ZP4: variants seen among roughly 807,000 people sequenced by gnomAD.
The protein encoded by ZP4 is zona pellucida glycoprotein 4, also known as zona pellucida sperm-binding protein 4.
ZP4 carries 62 observed loss-of-function variants against 62.3 expected under a neutral mutation model. The observed-to-expected ratio is 0.99, with a 90% CI of 0.81 to 1.23. ZP4 has a LOEUF of 1.23. ZP4 is among the 50% of genes most tolerant of loss of function. The pLI, the probability that ZP4 is intolerant of heterozygous loss-of-function variation, is 0.00. For missense variants in ZP4, 774 were observed against 656.0 expected (o/e 1.18, Z -1.97); for synonymous variants, 289 against 247.3 (o/e 1.17, Z -1.58).
At chr1:237,888,637 A>C in intron 3 of ZP4, 127 bp from the exon 4 acceptor site, 1 of 800,220 alleles carries the variant, frequency 1.2e-6, no homozygotes, top group East Asian at 2.8e-5. Flanking sequence ...TGTCTACTCC[A>C]TATTGTAGAT....
rs1386108882 is a variant in ZP4 at position 237,888,717 on chromosome 1, T to G, written c.401-207A>C. Among the ~76,000 whole-genome samples the G allele has an allele frequency of 2.0e-5, 3 of 152,268 alleles. No individual in the cohort carries two copies. In the East Asian group the frequency reaches 5.8e-4, roughly 29 times the overall value. On this transcript the variant is annotated intron_variant, in intron 3 of 11. Coordinates refer to ENST00000366570, the MANE Select transcript of ZP4 (RefSeq NM_021186.5). ...TCAACATTAAGTCACCTTGTAAGAG[T>G]GCCCTGCTATTAGTTTTTTAAAAAC...
chr1:237,885,625 G>A (rs779159700), intron 7 of ZP4, 45 bp from the exon 8 acceptor site: 9 of 1,599,690 alleles, frequency 5.6e-6, no homozygotes, highest in Non-Finnish European at 8.5e-7. Context: ...ATCTCTCAGT[G>A]ACTTGAGGGA....
At position 237,890,205 on chromosome 1, in the gene ZP4, C is replaced by T. The variant is rs1276832321; in HGVS notation, c.176-29G>A. The T allele has an allele frequency of 3.1e-6, 5 of 1,612,890 alleles. No individual in the cohort carries two copies. In the South Asian group the frequency reaches 5.5e-5, roughly 18 times the overall value. The stretch of plus-strand genomic sequence containing the variant: ...GAGGGGTGGGGAAGAGGTGAGAAAA[C>T]ACAGCGGTCAGTCTCCAGTGCCAGA... On this transcript the variant is annotated intron_variant, in intron 1 of 11. Coordinates refer to ENST00000366570, the MANE Select transcript of ZP4 (RefSeq NM_021186.5).
At chr1:237,890,003 T>G in intron 2 of ZP4, 34 bp from the exon 3 acceptor site, 1 of 1,614,090 alleles carries the variant, frequency 6.2e-7, no homozygotes, top group Non-Finnish European at 8.5e-7. Flanking sequence ...TCAGCCTGGA[T>G]GGTAGCATGA....
chr1:237,888,422 G>T lies in ZP4; in HGVS notation c.489C>A (p.Asp163Glu), dbSNP rs767513357. The change falls in exon 4 of 12, where the codon GAC (aspartate) becomes GAA (glutamate). Residue 163 changes from aspartate to glutamate, a missense_variant. Coordinates refer to ENST00000366570, the MANE Select transcript of ZP4 (RefSeq NM_021186.5). ...PCAPSPISRG[D>E]CEGLGCCYSS... Reference sequence around the variant, plus strand: ...TATAACAACAGCCTAGCCCTTCACAGTCTCCTCGAGAGATGGGTGAAGGTG... The same window carrying T: ...TATAACAACAGCCTAGCCCTTCACATTCTCCTCGAGAGATGGGTGAAGGTG... 1.2e-6 allele frequency: 2 copies of T among 1,611,572 alleles called. No homozygotes were observed. The highest frequency in any genetic ancestry group is 2.2e-5 in the South Asian group (2 of 90,602).
At position 237,887,450 on chromosome 1, in the gene ZP4, G is replaced by T. The variant is rs140243550; in HGVS notation, c.665C>A (p.Ala222Glu). The T allele has an allele frequency of 8.7e-4, 1,397 of 1,614,128 alleles. 24 individuals carry two copies. In the East Asian group the frequency reaches 0.025, roughly 29 times the overall value. The change falls in exon 5 of 12, where the codon GCG becomes GAG. Residue 222 changes from alanine (A) to glutamate (E), a missense_variant. By Grantham distance (107) the Ala-to-Glu change is moderately radical. Coordinates refer to ENST00000366570, the MANE Select transcript of ZP4 (RefSeq NM_021186.5). The stretch of plus-strand genomic sequence containing the variant: ...TTGTGTTGCCATCACAGGGTTACAC[G>T]CACTGTCATTCCTAAGGGCCAAGCG... ...SVRLALRNDS[A>E]CNPVMATQAF...
chr1:237,886,948 C>T, intron 5 of ZP4, 80 bp from the exon 6 acceptor site: 1 of 1,190,620 alleles, frequency 8.4e-7, no homozygotes, highest in South Asian at 1.3e-5. Context: ...AAGCCCTCAG[C>T]AATGCTACCC....
chr1:237,890,017 G>A (rs539978576), intron 2 of ZP4, 38 bp downstream of exon 2: 36 of 1,614,122 alleles, frequency 2.2e-5, no homozygotes, highest in African/African-American at 9.3e-5. Context: ...AGCATGAGGC[G>A]CTTCACACAG....
At chr1:237,886,034 T>G (rs945504371) in intron 6 of ZP4, 148 bp from the exon 7 acceptor site, 2 of 1,075,592 alleles carry the variant, frequency 1.9e-6, no homozygotes, top group Non-Finnish European at 2.6e-6. Context: ...GAGCTGTATT[T>G]TAGTTGGGGA....
intron 10 of ZP4, among the ~76,000 whole-genome samples, chr1:237,883,708 GGAGGGCGGGGGAGGGCGGGGGAGGGA>G (rs1664982708): frequency 1.5e-4 from 3 of 19,872 alleles, no homozygotes; most frequent in African/African-American, 8.3e-4. Flanking sequence ...GGAGGGCGGG[GGAGGGCGGGGGAGGGCGGGGGAGGGA>G]GAGAGAGGGA....
Position 237,890,736 on chromosome 1 carries a change from T to C in ZP4, c.-101A>G. The C allele has an allele frequency of 7.6e-7, 1 of 1,320,522 alleles. No homozygotes were observed. The highest frequency in any genetic ancestry group is 1.5e-5 in the African/African-American group (1 of 67,270). 81.8% of individuals were successfully genotyped at this position (1,320,522 alleles called of 1,614,324 possible). On this transcript the variant is annotated 5_prime_UTR_variant, in exon 1 of 12. Transcript: ENST00000366570. ...TTCCTTTATATACAGAAGTCAGGCT[T>C]GTTTTCAGCTGCACATCTTTGTGAC...
chr1:237,889,972 GGA>G lies in ZP4; in HGVS notation c.298-5_298-4del. On this transcript the variant is annotated splice_region_variant and splice_polypyrimidine_tract_variant and intron_variant, in intron 2 of 11. Transcript: ENST00000366570. ...ACTGGCATGATGTAGTGGGAGTCCTGGAGAGACAGGCCCTTGGGGGTCAGCCT... is the reference window on the plus strand; with the variant it reads ...ACTGGCATGATGTAGTGGGAGTCCTGGAGACAGGCCCTTGGGGGTCAGCCT... The G allele has an allele frequency of 6.2e-7, 1 of 1,614,142 alleles. No individual in the cohort carries two copies. Among genetic ancestry groups the G allele is most frequent in the Non-Finnish European group, 8.5e-7 (1 of 1,180,028 alleles).
chr1:237,890,876 G>A lies in ZP4; in HGVS notation c.-241C>T. ...AATCCAGGCAGACTTCAGAGCCCAA[G>A]AAAAATGTAGTAACTTTTAGCTAAC... On this transcript the variant is annotated 5_prime_UTR_variant, in exon 1 of 12. Transcript: ENST00000366570. 1 of 391,072 alleles carries A rather than the reference G, an allele frequency of 2.6e-6. No homozygotes were observed. The highest frequency in any genetic ancestry group is 4.5e-6 in the Non-Finnish European group (1 of 220,682). 24.2% of individuals were successfully genotyped at this position (391,072 alleles called of 1,614,324 possible).
Position 237,884,859 on chromosome 1 carries a change from C to A in ZP4, c.1312-12G>T. The A allele has an allele frequency of 1.9e-6, 3 of 1,611,834 alleles. No homozygotes were observed. The highest frequency in any genetic ancestry group is 2.5e-6 in the Non-Finnish European group (3 of 1,178,838). The stretch of plus-strand genomic sequence containing the variant: ...CAGTGCAGATGCACCTGGGAGCCAA[C>A]AGAATTCAGGTCATTTGTAGTATCA... On this transcript the variant is annotated splice_polypyrimidine_tract_variant and intron_variant, in intron 9 of 11. Transcript: ENST00000366570.
chr1:237,890,117 T>C lies in ZP4; in HGVS notation c.235A>G (p.Lys79Glu), dbSNP rs1423749158. Reference sequence around the variant, plus strand: ...AACACCACGGAGCTGCCTGGACCTTTTCTTATCCAGGTGCCACAGTCGGAG... The same window carrying C: ...AACACCACGGAGCTGCCTGGACCTTCTCTTATCCAGGTGCCACAGTCGGAG... ...NDSDCGTWIR[K>E]GPGSSVVLEA... The change falls in exon 2 of 12, where the codon AAA becomes GAA. Residue 79 changes from lysine (K) to glutamate (E), a missense_variant. By Grantham distance (56) the Lys-to-Glu change is moderately conservative. Coordinates refer to ENST00000366570, the MANE Select transcript of ZP4 (RefSeq NM_021186.5). 2 of 1,614,136 alleles carry C rather than the reference T, an allele frequency of 1.2e-6. No individual in the cohort carries two copies. Among genetic ancestry groups the C allele is most frequent in the South Asian group, 2.2e-5 (2 of 91,088 alleles).
chr1:237,884,028 ACACAAACACAC>A (rs1665030658), intron 10 of ZP4, among the ~76,000 whole-genome samples: 4 of 94,306 alleles, frequency 4.2e-5, no homozygotes, highest in Non-Finnish European at 8.9e-5. Flanking sequence ...ACACACACAC[ACACAAACACAC>A]ACAAACACAC....
At chr1:237,883,870 G>T (rs529348750) in intron 10 of ZP4, among the ~76,000 whole-genome samples, 1 of 146,084 alleles carries the variant, frequency 6.8e-6, no homozygotes, top group African/African-American at 2.6e-5. Context: ...TGAACTGGGC[G>T]TATCACCTGA....
rs760404375 is a variant in ZP4 at position 237,890,674 on chromosome 1, C to T, written c.-39G>A. On this transcript the variant is annotated 5_prime_UTR_variant, in exon 1 of 12. Transcript: ENST00000366570. ...GTTCCTGCCGGCTGCAGACTCTCCG[C>T]CTCCTCTCCCAAGAGCCGAGGGTCT... 43 of 1,592,080 alleles carry T rather than the reference C, an allele frequency of 2.7e-5. No homozygotes were observed. Among genetic ancestry groups the T allele is most frequent in the Admixed American group, 3.5e-5 (2 of 57,844 alleles).
In ZP4 at chr1:237,884,817, G is replaced by C. The variant is rs762748345; in HGVS notation, c.1342C>G (p.Gln448Glu). 3.1e-6 allele frequency: 5 copies of C among 1,613,726 alleles called. No homozygotes were observed. In the South Asian group the frequency reaches 5.5e-5, roughly 18 times the overall value. The change falls in exon 10 of 12, where the codon CAG (glutamine) becomes GAG (glutamate). Residue 448 changes from glutamine to glutamate, a missense_variant. By Grantham distance (29) the Gln-to-Glu change is conservative. Transcript: ENST00000366570. ...ACACAGGATGGTGTCTCAGCAGGCT[G>C]GCAGACTGACACGCTGCAGTGCAGA... Reference protein sequence around the residue: ...VHLHCSVSVCQPAETPSCVVT... With the variant: ...VHLHCSVSVCEPAETPSCVVT...
Sources: allele counts gnomAD v4.1 joint callset (sites outside exome capture counted in the v4.1 genomes callset), GRCh38; gene constraint gnomAD v4.1.1; transcripts MANE v1.5; gene names NCBI Gene and HGNC (gene_info 2026-07-23, HGNC 2026-07-21).